Variants in INCENP observed in about 807,000 individuals in gnomAD.
INCENP encodes binds and activates aurora-B and -C in vivo and in vitro.
Under a neutral mutation model 107.3 loss-of-function variants are expected in INCENP, and 43 were observed. The ratio of observed to expected loss-of-function variants is 0.40; its 90% CI spans 0.31 to 0.52. INCENP has a LOEUF of 0.52. Ranked by LOEUF, INCENP falls within the 20% of genes least tolerant of loss-of-function variation. The pLI is 0.53. For missense variants in INCENP, 1,089 were observed against 1,250.9 expected (o/e 0.87, Z 1.95); for synonymous variants, 488 against 494.4 (o/e 0.99, Z 0.17).
intron 7 of INCENP, among the ~76,000 whole-genome samples, chr11:62,139,597 G>T (rs558117962): frequency 1.5e-4 from 23 of 152,236 alleles, no homozygotes; most frequent in Non-Finnish European, 3.4e-4. Context: ...CCCAAGGGCT[G>T]CTGTGAGGAA....
chr11:62,146,584 G>C, intron 14 of INCENP, 74 bp from the exon 15 acceptor site: 1 of 1,529,950 alleles, frequency 6.5e-7, no homozygotes, highest in South Asian at 1.2e-5. Context: ...CCTGGGCTTC[G>C]GGGGAGTAGG....
In INCENP at chr11:62,130,201, C is replaced by T; in HGVS notation, c.674C>T (p.Ala225Val). 1.2e-6 allele frequency: 2 copies of T among 1,613,950 alleles called. No homozygotes were observed. Among genetic ancestry groups the T allele is most frequent in the Non-Finnish European group, 1.7e-6 (2 of 1,180,022 alleles). The stretch of plus-strand genomic sequence containing the variant: ...GAATCAACACCTAAGAAGTCGAAGG[C>T]CAGGATACTGGAGTCCATCACAGTG... ...DEESTPKKSKARILESITVSS... is the reference protein window; with the variant it reads ...DEESTPKKSKVRILESITVSS... Residue 225 changes from alanine to valine, a missense_variant, in exon 4 of 19, where the codon GCC (alanine) becomes GTC (valine). Ala to Val is a moderately conservative substitution (Grantham distance 64, BLOSUM62 0). Transcript: ENST00000394818.
Position 62,147,685 on chromosome 11 carries a change from G to A in INCENP, c.2204+783G>A, listed in dbSNP as rs577293392. Among the ~76,000 whole-genome samples the A allele has an allele frequency of 3.1e-4, 47 of 152,284 alleles. No homozygotes were observed. The South Asian group carries it at 9.7e-3, about 32-fold the overall frequency. On this transcript the variant is annotated intron_variant, in intron 15 of 18. Coordinates refer to ENST00000394818, the MANE Select transcript of INCENP (RefSeq NM_001040694.2). Reference sequence around the variant, plus strand: ...GCACGTTTTTTCCGTGTCCATCTTCGTGGGTGGCTTCAGGTTTATCAGATA... The same window carrying A: ...GCACGTTTTTTCCGTGTCCATCTTCATGGGTGGCTTCAGGTTTATCAGATA...
Position 62,130,121 on chromosome 11 carries a change from G to A in INCENP, c.594G>A (p.Pro198=), listed in dbSNP as rs750872989. Residue 198 remains proline (P), a synonymous_variant, in exon 4 of 19, where the codon CCG becomes CCA. Transcript: ENST00000394818. ...STEPLPRTLS[P]TPASATAPTS... ...AGCCTCTGCCCCGCACTCTGTCCCC[G>A]ACTCCAGCTTCAGCCACAGCTCCAA... The A allele has an allele frequency of 1.9e-5, 30 of 1,613,436 alleles. No individual in the cohort carries two copies. Among genetic ancestry groups the A allele is most frequent in the East Asian group, 2.2e-5 (1 of 44,882 alleles).
Position 62,140,337 on chromosome 11 carries a change from T to C in INCENP, c.1343+52T>C, listed in dbSNP as rs756586827. On this transcript the variant is annotated intron_variant, in intron 8 of 18. Transcript: ENST00000394818. ...GTAACTCTGAGGGCCCTGGAGGATG[T>C]GGCCTTGTGTCCTTGCTCAGGGAAG... The C allele has an allele frequency of 2.7e-6, 4 of 1,475,478 alleles. No individual in the cohort carries two copies. The Admixed American group carries it at 5.0e-5, about 19-fold the overall frequency. 91.4% of individuals were successfully genotyped at this position (1,475,478 alleles called of 1,614,324 possible).
rs1236802805 is a variant in INCENP at position 62,145,111 on chromosome 11, G to A, written c.1715+20G>A. 1.2e-6 allele frequency: 2 copies of A among 1,613,866 alleles called. No homozygotes were observed. Among genetic ancestry groups the A allele is most frequent in the East Asian group, 4.5e-5 (2 of 44,894 alleles). ...GAAGCTGTAAGTGGCCTGGCTTCCT[G>A]GACTGTGGCCCATCCCAGCCTTGGT... On this transcript the variant is annotated intron_variant, in intron 12 of 18. Coordinates refer to ENST00000394818, the MANE Select transcript of INCENP (RefSeq NM_001040694.2).
At chr11:62,144,541 G>C (rs1177502953) in intron 11 of INCENP, among the ~76,000 whole-genome samples, 1 of 152,108 alleles carries the variant, frequency 6.6e-6, no homozygotes, top group Non-Finnish European at 1.5e-5. Context: ...AAGCATGACA[G>C]TAGTAAGTTA....
At chr11:62,149,304 C>T (rs1944323271) in intron 17 of INCENP, among the ~76,000 whole-genome samples, 1 of 152,112 alleles carries the variant, frequency 6.6e-6, no homozygotes, top group African/African-American at 2.4e-5. Flanking sequence ...TCTATTTCAA[C>T]ACAGGTCAAT....
intron 3 of INCENP, 105 bp from the exon 4 acceptor site, chr11:62,129,677 T>C: frequency 1.1e-6 from 1 of 947,256 alleles, no homozygotes; most frequent in Non-Finnish European, 1.5e-6. Flanking sequence ...TCTTTTGCCT[T>C]CACCTTCTCT....
chr11:62,152,348 G>T lies in INCENP; in HGVS notation c.*372G>T. Reference sequence around the variant, plus strand: ...TCAAGCCTGCTGTTGATACCATGAAGACTGGGCGCCTCAGTCCCAGCCCTG... The same window carrying T: ...TCAAGCCTGCTGTTGATACCATGAATACTGGGCGCCTCAGTCCCAGCCCTG... On this transcript the variant is annotated 3_prime_UTR_variant, in exon 19 of 19. Coordinates refer to ENST00000394818, the MANE Select transcript of INCENP (RefSeq NM_001040694.2). The T allele has an allele frequency of 7.8e-6, 2 of 256,864 alleles. No individual in the cohort carries two copies. The highest frequency in any genetic ancestry group is 1.5e-5 in the Non-Finnish European group (2 of 132,158). 15.9% of individuals were successfully genotyped at this position (256,864 alleles called of 1,614,324 possible).
chr11:62,138,412 C>G (rs1169521771), intron 5 of INCENP, among the ~76,000 whole-genome samples: 1 of 152,244 alleles, frequency 6.6e-6, no homozygotes, highest in African/African-American at 2.4e-5. Context: ...AGATGCAGCT[C>G]ACCTGGGCCC....
chr11:62,141,710 C>A, intron 11 of INCENP, 199 bp downstream of exon 11: 1 of 697,294 alleles, frequency 1.4e-6, no homozygotes, highest in Non-Finnish European at 2.5e-6. Flanking sequence ...TCCTTCTCTG[C>A]CCTCCCTGCC....
rs12278694 is a variant in INCENP at position 62,147,497 on chromosome 11, G to A, written c.2204+595G>A. 3.8e-3 allele frequency among the ~76,000 whole-genome samples: 572 copies of A among 152,248 alleles called. 5 individuals are homozygous for A. The highest frequency in any genetic ancestry group is 0.013 in the African/African-American group (533 of 41,538). ...CCTGTGCCTGGTTGTTCTGAGAGTCGTGGGGTTGCCAAGGAGGAAAAGCCA... is the reference window on the plus strand; with the variant it reads ...CCTGTGCCTGGTTGTTCTGAGAGTCATGGGGTTGCCAAGGAGGAAAAGCCA... On this transcript the variant is annotated intron_variant, in intron 15 of 18. Transcript: ENST00000394818.
At chr11:62,128,042 A>C (rs1943793651) in intron 1 of INCENP, 109 bp from the exon 2 acceptor site, 1 of 1,069,864 alleles carries the variant, frequency 9.3e-7, no homozygotes, top group Non-Finnish European at 1.4e-6. Flanking sequence ...TGGTTCGGGC[A>C]CTGGGTGTTT....
chr11:62,146,725 G>A lies in INCENP; in HGVS notation c.2027G>A (p.Arg676Gln), dbSNP rs758278291. The change falls in exon 15 of 19, where the codon CGG becomes CAG. Residue 676 changes from arginine (R) to glutamine (Q), a missense_variant. Physicochemically the swap from Arg to Gln is conservative, Grantham distance 43 (BLOSUM62 1). Transcript: ENST00000394818. ...KKKEEEQERLRKAAEAKRLAE... is the reference protein window; with the variant it reads ...KKKEEEQERLQKAAEAKRLAE... Reference sequence around the variant, plus strand: ...AAGGAAGAGGAGCAGGAGCGGCTGCGGAAGGCGGCCGAGGCTAAGCGGCTG... The same window carrying A: ...AAGGAAGAGGAGCAGGAGCGGCTGCAGAAGGCGGCCGAGGCTAAGCGGCTG... 7.1e-6 allele frequency: 11 copies of A among 1,549,356 alleles called. No homozygotes were observed. Among genetic ancestry groups the A allele is most frequent in the East Asian group, 4.9e-5 (2 of 40,842 alleles).
chr11:62,128,283 C>T lies in INCENP; in HGVS notation c.122C>T (p.Ala41Val). The T allele has an allele frequency of 6.2e-7, 1 of 1,614,116 alleles. No homozygotes were observed. The highest frequency in any genetic ancestry group is 8.5e-7 in the Non-Finnish European group (1 of 1,180,010). The change falls in exon 2 of 19, where the codon GCC (alanine) becomes GTC (valine). Residue 41 changes from alanine to valine, a missense_variant. Transcript: ENST00000394818. ...TGGCTTGAGGAAATCCAAGAGGAGG[C>T]CGAGCGCATGTTCACCAGGTGAAGA... ...LVWLEEIQEE[A>V]ERMFTREFSK...
rs1163806068 is a variant in INCENP, at chr11:62,131,782, C to CT, written c.1063+1205dup. Among the ~76,000 whole-genome samples the CT allele has an allele frequency of 1.8e-3, 255 of 145,224 alleles. 1 individual carries two copies. Among genetic ancestry groups the CT allele is most frequent in the Middle Eastern group, 0.014 (4 of 278 alleles). On this transcript the variant is annotated intron_variant, in intron 4 of 18. Coordinates refer to ENST00000394818, the MANE Select transcript of INCENP (RefSeq NM_001040694.2). Reference sequence around the variant, plus strand: ...GTGGCGAGGATAGGCCAGGATTTATCTTTTTTTTTTTTTGATACAGAGTCT... The same window carrying CT: ...GTGGCGAGGATAGGCCAGGATTTATCTTTTTTTTTTTTTTGATACAGAGTCT...
At chr11:62,129,658 G>C (rs1206696753) in intron 3 of INCENP, 124 bp from the exon 4 acceptor site, 3 of 781,910 alleles carry the variant, frequency 3.8e-6, no homozygotes, top group Non-Finnish European at 6.0e-6. Context: ...ATCTGGCCTG[G>C]AACCCAGATC....
chr11:62,135,286 G>C (rs1033042314), intron 4 of INCENP, among the ~76,000 whole-genome samples: 1 of 151,364 alleles, frequency 6.6e-6, no homozygotes, highest in Non-Finnish European at 1.5e-5. Flanking sequence ...TTTTGTTTTT[G>C]AGATGAAATC....
Sources: gnomAD v4.1 joint callset for allele counts (sites outside exome capture counted in the v4.1 genomes callset) on GRCh38, gnomAD v4.1.1 for gene constraint, MANE v1.5 for transcripts, NCBI Gene and HGNC (gene_info 2026-07-23, HGNC 2026-07-21) for gene names.